HNRNPR: variants seen among roughly 807,000 people sequenced by gnomAD.
HNRNPR encodes the protein heterogeneous nuclear ribonucleoprotein R.
In HNRNPR, 4 loss-of-function variants were observed where a neutral mutation model predicts 70.3. That is an observed-to-expected ratio of 0.06 (90% CI 0.03 to 0.13). HNRNPR has a LOEUF of 0.13. HNRNPR is among the 10% of genes least tolerant of loss of function. The pLI is 1.00. For missense variants in HNRNPR, 423 were observed against 788.5 expected (o/e 0.54, Z 5.55); for synonymous variants, 241 against 267.6 (o/e 0.90, Z 0.97).
In HNRNPR at chr1:23,323,595, G is replaced by A. The variant is rs200469820; in HGVS notation, c.636C>T (p.Thr212=). ...CCTGTGCAGCTTCCTTTCCACAGAA[G>A]GTGATAAATGCATACCCTCTATTCT... The part of the protein sequence containing the change: ...SGQNRGYAFI[T]FCGKEAAQEA... The change falls in exon 6 of 11, where the codon ACC becomes ACT. Residue 212 remains threonine (T), a synonymous_variant. Transcript: ENST00000302271. 3 of 1,613,984 alleles carry A rather than the reference G, an allele frequency of 1.9e-6. No homozygotes were observed. Among genetic ancestry groups the A allele is most frequent in the Non-Finnish European group, 2.5e-6 (3 of 1,179,894 alleles).
intron 4 of HNRNPR, among the ~76,000 whole-genome samples, chr1:23,334,842 G>A (rs567954605): frequency 2.6e-5 from 4 of 152,134 alleles, no homozygotes; most frequent in African/African-American, 9.6e-5. Context: ...TATATAAAGA[G>A]CTTAGAGAAG....
chr1:23,310,713 C>A lies in HNRNPR; in HGVS notation c.1643G>T (p.Gly548Val). The change falls in exon 11 of 11, where the codon GGT becomes GTT. Residue 548 changes from glycine to valine, a missense_variant. Transcript: ENST00000302271. This position sits in a 1 kb window ranked among gnomAD's most constrained non-coding sequence, Gnocchi z 6.0. ...PPRGSRGGRG[G>V]PAQQQRGRGS... is the part of the protein sequence containing the mutation. The stretch of plus-strand genomic sequence containing the variant: ...ACGGCCTCTCTGCTGTTGAGCAGGA[C>A]CCCCTCTGCCACCCCTAGAGCCTCT... 2 of 1,613,594 alleles carry A rather than the reference C, an allele frequency of 1.2e-6. No individual in the cohort carries two copies. The highest frequency in any genetic ancestry group is 1.7e-6 in the Non-Finnish European group (2 of 1,179,746).
At chr1:23,317,773 G>A (rs686727) in intron 8 of HNRNPR, among the ~76,000 whole-genome samples, 8,710 of 152,028 alleles carry the variant, frequency 0.057, 812 homozygotes, top group African/African-American at 0.2. Context: ...CATGAGCTTA[G>A]GAGTTCGAGA....
In HNRNPR at chr1:23,323,810, T is replaced by A. The variant is rs1345902136; in HGVS notation, c.499-78A>T. On this transcript the variant is annotated intron_variant, in intron 5 of 10. Coordinates refer to ENST00000302271, the MANE Select transcript of HNRNPR (RefSeq NM_005826.5). ...CATAAAGCCTACTGCCTTTTTTTTTTAAAGATGGGGGCAGAAGAAGATGGT... is the reference window on the plus strand; with the variant it reads ...CATAAAGCCTACTGCCTTTTTTTTTAAAAGATGGGGGCAGAAGAAGATGGT... 2.1e-5 allele frequency: 23 copies of A among 1,105,378 alleles called. No individual in the cohort carries two copies. In the Middle Eastern group the frequency reaches 1.1e-3, roughly 55 times the overall value. The allele number at this position is 1,105,378 out of a possible 1,614,324, so 68.5% of individuals were successfully genotyped here. A position where few individuals can be genotyped will look rare whatever the true frequency, so the allele number is the denominator to read the frequency against.
chr1:23,313,127 C>T (rs1296230770), intron 9 of HNRNPR, among the ~76,000 whole-genome samples: 1 of 152,114 alleles, frequency 6.6e-6, no homozygotes, highest in African/African-American at 2.4e-5. Context: ...ACTAATCATA[C>T]CCTCAAAATC....
At chr1:23,335,060 G>A (rs1360030688) in intron 4 of HNRNPR, among the ~76,000 whole-genome samples, 3 of 152,118 alleles carry the variant, frequency 2.0e-5, no homozygotes, top group African/African-American at 7.2e-5. Context: ...TGGGACTACA[G>A]GCGCCTGCCA....
In HNRNPR at chr1:23,338,024, C is replaced by T. The variant is rs568346916; in HGVS notation, c.277-163G>A. 186 of 585,138 alleles carry T rather than the reference C, an allele frequency of 3.2e-4. 3 individuals carry two copies. In the South Asian group the frequency reaches 3.7e-3, roughly 12 times the overall value. 36.2% of individuals were successfully genotyped at this position (585,138 alleles called of 1,614,324 possible). On this transcript the variant is annotated intron_variant, in intron 3 of 10. Transcript: ENST00000302271. ...GGTTACTATGTGCCAGAGATTGGAG[C>T]AGACAGCAGTAAGGCAGTATAGACC...
chr1:23,322,263 T>TCG (rs1406019941), intron 6 of HNRNPR, among the ~76,000 whole-genome samples: 1 of 151,148 alleles, frequency 6.6e-6, no homozygotes, highest in Admixed American at 6.6e-5. Context: ...TAAGATGGAG[T>TCG]CTCGCTCTGT....
intron 5 of HNRNPR, among the ~76,000 whole-genome samples, chr1:23,327,413 C>T (rs1188477006): frequency 1.3e-5 from 2 of 152,118 alleles, no homozygotes; most frequent in East Asian, 1.9e-4. Flanking sequence ...ATGGGTCATG[C>T]GCAGTGGCTC....
intron 4 of HNRNPR, among the ~76,000 whole-genome samples, chr1:23,335,362 A>C (rs1293703044): frequency 6.6e-6 from 1 of 152,232 alleles, no homozygotes; most frequent in South Asian, 2.1e-4. Context: ...AATGTAATAT[A>C]AAACAGGGGT....
intron 4 of HNRNPR, among the ~76,000 whole-genome samples, 191 bp from the exon 5 acceptor site, chr1:23,333,822 G>C (rs961808997): frequency 3.9e-5 from 6 of 151,950 alleles, no homozygotes; most frequent in African/African-American, 1.2e-4. Flanking sequence ...CAAATAAAAT[G>C]TTCTCTATCC....
intron 4 of HNRNPR, among the ~76,000 whole-genome samples, chr1:23,333,925 T>C (rs1381430620): frequency 6.6e-6 from 1 of 152,150 alleles, no homozygotes; most frequent in African/African-American, 2.4e-5. Context: ...TTTTCTTCTT[T>C]TTTTTTGAGA....
chr1:23,337,291 A>G (rs1435224848), intron 4 of HNRNPR, among the ~76,000 whole-genome samples: 1 of 152,182 alleles, frequency 6.6e-6, no homozygotes, highest in Non-Finnish European at 1.5e-5. Context: ...CATGCAATTG[A>G]GTGTCGATCC....
chr1:23,338,363 A>T, intron 3 of HNRNPR, 127 bp downstream of exon 3: 1 of 484,418 alleles, frequency 2.1e-6, no homozygotes, highest in South Asian at 4.7e-5. Context: ...TTTTTCCTTT[A>T]AACTAATTTT....
chr1:23,320,846 T>G (rs1168169320), intron 7 of HNRNPR, among the ~76,000 whole-genome samples: 1 of 152,130 alleles, frequency 6.6e-6, no homozygotes, highest in African/African-American at 2.4e-5. Flanking sequence ...CTCAATCAAT[T>G]CCATGGATTT....
At chr1:23,332,316 CAAT>C (rs562270790) in intron 5 of HNRNPR, among the ~76,000 whole-genome samples, 13 of 151,648 alleles carry the variant, frequency 8.6e-5, no homozygotes, top group Non-Finnish European at 1.9e-4. Context: ...CCACGCCCAT[CAAT>C]AATATCTCTC....
intron 1 of HNRNPR, among the ~76,000 whole-genome samples, chr1:23,342,917 G>A (rs1646757405): frequency 6.6e-6 from 1 of 152,118 alleles, no homozygotes; most frequent in Non-Finnish European, 1.5e-5. Flanking sequence ...AGTTGATACT[G>A]AAATTGGTTA....
At chr1:23,340,168 AAGG>A (rs1031351474) in intron 2 of HNRNPR, among the ~76,000 whole-genome samples, 4 of 152,288 alleles carry the variant, frequency 2.6e-5, no homozygotes, top group African/African-American at 4.8e-5. Flanking sequence ...TATGTCCCCA[AAGG>A]AGGAGGACAC....
Position 23,312,141 on chromosome 1 carries a change from T to C in HNRNPR, c.1168-819A>G, listed in dbSNP as rs185761374. Reference sequence around the variant, plus strand: ...TCTGGGCACACATAAAAAAATGTTCTATTGGAGCTATCAGTGATTTATAAG... The same window carrying C: ...TCTGGGCACACATAAAAAAATGTTCCATTGGAGCTATCAGTGATTTATAAG... On this transcript the variant is annotated intron_variant, in intron 9 of 10. Transcript: ENST00000302271. Among the ~76,000 whole-genome samples the C allele has an allele frequency of 6.6e-5, 10 of 152,318 alleles. No individual in the cohort carries two copies. In the South Asian group the frequency reaches 1.9e-3, roughly 28 times the overall value.
Sources: gnomAD v4.1 joint callset for allele counts (sites outside exome capture counted in the v4.1 genomes callset) on GRCh38, gnomAD v4.1.1 for gene constraint, Gnocchi (gnomAD v3.1) non-coding constraint, MANE v1.5 for transcripts, NCBI Gene and HGNC (gene_info 2026-07-23, HGNC 2026-07-21) for gene names.